The following DLG2 variants were observed in gnomAD, a reference collection of about 807,000 sequenced individuals.
DLG2 encodes disks large homolog 2.
A neutral mutation model predicts 132.5 loss-of-function variants in DLG2; 45 were observed. The observed-to-expected ratio is 0.34, with a 90% CI of 0.27 to 0.44. DLG2 has a LOEUF of 0.44. Ranked by LOEUF, DLG2 falls within the 20% of genes least tolerant of loss-of-function variation. The pLI is 1.00. For synonymous variants in DLG2, 424 were observed against 419.6 expected (o/e 1.01, Z -0.13); for missense variants, 1,045 against 1,196.9 (o/e 0.87, Z 1.87).
intron 18 of DLG2, among the ~76,000 whole-genome samples, chr11:83,770,265 G>GTTTTTTTTTTTTTTTTT (rs71066064): frequency 5.4e-5 from 7 of 128,770 alleles, no homozygotes; most frequent in African/African-American, 2.0e-4. Flanking sequence ...GTTTTTTTTT[G>GTTTTTTTTTTTTTTTTT]TTTTTTTGCT....
chr11:83,819,827 C>T (rs577079088), intron 17 of DLG2, among the ~76,000 whole-genome samples: 1 of 152,162 alleles, frequency 6.6e-6, no homozygotes, highest in East Asian at 1.9e-4. Flanking sequence ...TAGGTCAGTC[C>T]AACGTTGAAG....
At chr11:84,645,145 T>C (rs1009745617) in intron 6 of DLG2, among the ~76,000 whole-genome samples, 2 of 152,184 alleles carry the variant, frequency 1.3e-5, no homozygotes, top group African/African-American at 4.8e-5. Context: ...GAGAGGGAAC[T>C]GGTTATGAAG....
intron 5 of DLG2, among the ~76,000 whole-genome samples, chr11:85,148,596 G>C (rs2077014444): frequency 6.6e-6 from 1 of 152,020 alleles, no homozygotes; most frequent in South Asian, 2.1e-4. Flanking sequence ...TTTTTAATGG[G>C]GTTGCTTTTT....
At chr11:84,312,883 C>T (rs2098302962) in intron 7 of DLG2, among the ~76,000 whole-genome samples, 1 of 152,052 alleles carries the variant, frequency 6.6e-6, no homozygotes, top group South Asian at 2.1e-4. Flanking sequence ...AATCTCGGCT[C>T]ACTGTAACCT....
At chr11:84,008,797 G>A (rs2094712981) in intron 11 of DLG2, among the ~76,000 whole-genome samples, 1 of 151,786 alleles carries the variant, frequency 6.6e-6, no homozygotes, top group Admixed American at 6.6e-5. Context: ...TATATTAATA[G>A]ATCTAGGAGG....
chr11:84,579,267 A>C (rs550141885), intron 6 of DLG2, among the ~76,000 whole-genome samples: 13 of 152,016 alleles, frequency 8.6e-5, no homozygotes, highest in Non-Finnish European at 2.9e-5. Context: ...TAGTACAAAA[A>C]GGGTTCATGA....
At chr11:84,292,218 G>T (rs1339192855) in intron 7 of DLG2, among the ~76,000 whole-genome samples, 1 of 152,154 alleles carries the variant, frequency 6.6e-6, no homozygotes, top group East Asian at 1.9e-4. Flanking sequence ...GAGAGGAAAT[G>T]ATTTTCCAGG....
intron 6 of DLG2, among the ~76,000 whole-genome samples, chr11:85,028,180 G>C (rs1451511779): frequency 6.6e-6 from 1 of 152,166 alleles, no homozygotes; most frequent in Non-Finnish European, 1.5e-5. Context: ...CAAGACAACA[G>C]CAACCGAATT....
chr11:84,871,962 A>G (rs2085540755), intron 6 of DLG2, among the ~76,000 whole-genome samples: 1 of 152,204 alleles, frequency 6.6e-6, no homozygotes, highest in Admixed American at 6.5e-5. Flanking sequence ...AGCGTGAGCC[A>G]CCATGCCTGG....
intron 4 of DLG2, among the ~76,000 whole-genome samples, chr11:85,164,679 A>C (rs570393528): frequency 8.5e-5 from 13 of 152,302 alleles, no homozygotes; most frequent in African/African-American, 2.9e-4. Flanking sequence ...AATAAAACCG[A>C]ATCATTTAAT....
Position 83,743,449 on chromosome 11 carries a change from T to TTTTTTTTTTTTTTTTTTTTA in DLG2, c.1825+43240_1825+43241insTAAAAAAAAAAAAAAAAAAA, listed in dbSNP as rs1555372680. Among the ~76,000 whole-genome samples, 521 of 124,004 alleles carry TTTTTTTTTTTTTTTTTTTTA rather than the reference T, an allele frequency of 4.2e-3. 84 individuals carry two copies. The highest frequency in any genetic ancestry group is 0.016 in the African/African-American group (378 of 24,062). The allele number at this position is 124,004 out of a possible 152,430, so 81.4% of individuals were successfully genotyped here. On this transcript the variant is annotated intron_variant, in intron 18 of 27. Transcript: ENST00000376104. ...AGGCCATTTTTTTTTTTTTTTTTTT[T>TTTTTTTTTTTTTTTTTTTTA]ATGACAGGGTCTCACTTTGTCACCC...
chr11:84,944,892 C>T (rs1448565736), intron 6 of DLG2, among the ~76,000 whole-genome samples: 3 of 152,186 alleles, frequency 2.0e-5, no homozygotes, highest in Non-Finnish European at 2.9e-5. Flanking sequence ...CGTGAGCCAT[C>T]GTGCCCGATC....
chr11:85,532,849 T>A (rs2075304082), intron 3 of DLG2, among the ~76,000 whole-genome samples: 2 of 151,900 alleles, frequency 1.3e-5, no homozygotes, highest in Admixed American at 1.3e-4. Flanking sequence ...ATCAAAGCTA[T>A]TTTTTTTAAT....
chr11:85,148,898 T>C (rs1199375013), intron 5 of DLG2, among the ~76,000 whole-genome samples: 1 of 152,228 alleles, frequency 6.6e-6, no homozygotes, highest in Non-Finnish European at 1.5e-5. Context: ...CATTTAAGTA[T>C]TTAACCCATC....
chr11:84,050,005 T>C (rs2154118393), intron 11 of DLG2, among the ~76,000 whole-genome samples: 1 of 151,728 alleles, frequency 6.6e-6, no homozygotes, highest in East Asian at 1.9e-4. Context: ...GTTTAAGAAA[T>C]GGTACACAGG....
intron 6 of DLG2, among the ~76,000 whole-genome samples, chr11:85,038,429 T>C (rs553331473): frequency 6.6e-6 from 1 of 152,066 alleles, no homozygotes; most frequent in Non-Finnish European, 1.5e-5. Flanking sequence ...GATCATTTCT[T>C]TCAAGCCTCA....
At chr11:83,479,384 A>G (rs560587487) in intron 22 of DLG2, among the ~76,000 whole-genome samples, 84 of 151,152 alleles carry the variant, frequency 5.6e-4, no homozygotes, top group African/African-American at 9.5e-4. Context: ...CGGGGGGGGG[A>G]AAACCTCAAA....
At chr11:83,719,089 G>A (rs188227051) in intron 18 of DLG2, among the ~76,000 whole-genome samples, 2 of 152,284 alleles carry the variant, frequency 1.3e-5, no homozygotes, top group Admixed American at 1.3e-4. Flanking sequence ...AAAATACCCT[G>A]CACAGCCAGA....
intron 3 of DLG2, among the ~76,000 whole-genome samples, chr11:85,439,356 A>ATTT (rs35516320): frequency 5.3e-5 from 7 of 132,414 alleles, no homozygotes; most frequent in Non-Finnish European, 6.5e-5. Flanking sequence ...CTTCCTCAGC[A>ATTT]TTTTTTTTTT....
Sources: gnomAD v4.1 joint callset for allele counts (sites outside exome capture counted in the v4.1 genomes callset) on GRCh38, gnomAD v4.1.1 for gene constraint, MANE v1.5 for transcripts, NCBI Gene and HGNC (gene_info 2026-07-23, HGNC 2026-07-21) for gene names.